The following DLC1 variants were observed in gnomAD, a reference collection of about 807,000 sequenced individuals.
The protein encoded by DLC1 is rho GTPase-activating protein 7.
In DLC1, 54 loss-of-function variants were observed where a neutral mutation model predicts 140.3. The ratio of observed to expected loss-of-function variants is 0.38; its 90% confidence interval spans 0.31 to 0.48. The LOEUF (loss-of-function observed/expected upper bound fraction) is 0.48, where lower values mean the gene tolerates loss of function less well. Among genes scored for constraint, DLC1 ranks in the 20% least tolerant of loss-of-function variants. The pLI, the probability that DLC1 is intolerant of heterozygous loss-of-function variation, is 0.96. For missense variants in DLC1, 2,536 were observed against 1,907.0 expected (o/e 1.33, Z -6.14); for synonymous variants, 986 against 728.1 (o/e 1.35, Z -5.70).
chr8:13,315,202 C>T (rs1482208413), intron 4 of DLC1, among the ~76,000 whole-genome samples: 3 of 152,094 alleles, frequency 2.0e-5, no homozygotes, highest in Non-Finnish European at 4.4e-5. Flanking sequence ...ATCCCTTGAG[C>T]CCAGGCGTTC....
At chr8:13,218,151 C>T (rs1283580661) in intron 5 of DLC1, among the ~76,000 whole-genome samples, 1 of 152,138 alleles carries the variant, frequency 6.6e-6, no homozygotes, top group Non-Finnish European at 1.5e-5. Context: ...AGAACAGTCT[C>T]TTCAACAAAT....
chr8:13,176,359 A>C (rs939109430), intron 5 of DLC1, among the ~76,000 whole-genome samples: 1 of 152,164 alleles, frequency 6.6e-6, no homozygotes, highest in Non-Finnish European at 1.5e-5. Flanking sequence ...TGGGTGGATC[A>C]CAAGGTCAGG....
intron 1 of DLC1, among the ~76,000 whole-genome samples, chr8:13,506,518 C>G (rs927299966): frequency 6.8e-6 from 1 of 147,758 alleles, no homozygotes; most frequent in African/African-American, 2.5e-5. Context: ...TCTCCACCTA[C>G]TGCTTTATAC....
intron 3 of DLC1, among the ~76,000 whole-genome samples, chr8:13,399,266 C>T (rs892915766): frequency 6.6e-6 from 1 of 152,244 alleles, no homozygotes; most frequent in Middle Eastern, 3.4e-3. Context: ...GGAAGTGGTA[C>T]TTATCTCATT....
chr8:13,301,524 C>A (rs17191502), intron 5 of DLC1, among the ~76,000 whole-genome samples: 2 of 152,168 alleles, frequency 1.3e-5, no homozygotes, highest in Non-Finnish European at 2.9e-5. Flanking sequence ...ACATCAACAA[C>A]ATGGCAGATT....
chr8:13,563,855 T>C (rs1335599422), intron 1 of DLC1, among the ~76,000 whole-genome samples: 1 of 152,226 alleles, frequency 6.6e-6, no homozygotes, highest in East Asian at 1.9e-4. Context: ...TTTAAAATTA[T>C]GTTGAAAATA....
chr8:13,171,732 C>T (rs1364798502), intron 5 of DLC1, among the ~76,000 whole-genome samples: 1 of 152,110 alleles, frequency 6.6e-6, no homozygotes, highest in Non-Finnish European at 1.5e-5. Context: ...AGAAAGTGGA[C>T]TTCTATGTAC....
chr8:13,505,879 T>A (rs1008487694), intron 1 of DLC1, among the ~76,000 whole-genome samples: 4 of 152,176 alleles, frequency 2.6e-5, no homozygotes, highest in African/African-American at 9.6e-5. Flanking sequence ...ATACATAAAA[T>A]AACATATAAA....
At chr8:13,237,671 C>A (rs1829350382) in intron 5 of DLC1, among the ~76,000 whole-genome samples, 2 of 152,038 alleles carry the variant, frequency 1.3e-5, no homozygotes, top group African/African-American at 4.8e-5. Flanking sequence ...GTTTCTACAT[C>A]CTCATAGCTT....
chr8:13,435,407 G>T (rs745452525), intron 2 of DLC1, among the ~76,000 whole-genome samples: 9 of 151,414 alleles, frequency 5.9e-5, no homozygotes, highest in Non-Finnish European at 1.0e-4. Flanking sequence ...TCCACCTCCC[G>T]GGTTCAAGCA....
chr8:13,133,483 C>T (rs1198893562), intron 5 of DLC1: 6 of 211,934 alleles, frequency 2.8e-5, no homozygotes, highest in Non-Finnish European at 4.1e-5. Flanking sequence ...TCAGGCCGCC[C>T]TCTAGCCCCG....
At chr8:13,154,108 T>G (rs1454556428) in intron 5 of DLC1, among the ~76,000 whole-genome samples, 1 of 152,206 alleles carries the variant, frequency 6.6e-6, no homozygotes, top group East Asian at 1.9e-4. Flanking sequence ...ATTGGTGTGT[T>G]TACAATCCTT....
intron 4 of DLC1, among the ~76,000 whole-genome samples, chr8:13,321,116 G>A (rs927264592): frequency 7.2e-5 from 11 of 152,092 alleles, no homozygotes; most frequent in African/African-American, 2.4e-4. Context: ...GGACTAAGCC[G>A]ATCCCAATTA....
intron 7 of DLC1, among the ~76,000 whole-genome samples, chr8:13,104,465 G>T (rs1167622601): frequency 6.6e-6 from 1 of 151,968 alleles, no homozygotes; most frequent in Non-Finnish European, 1.5e-5. Context: ...AGCCCTTCAA[G>T]GCCCCAATTT....
chr8:13,205,194 G>C (rs750355341), intron 5 of DLC1, among the ~76,000 whole-genome samples: 27 of 152,274 alleles, frequency 1.8e-4, no homozygotes, highest in African/African-American at 6.5e-4. Flanking sequence ...AATATCATTT[G>C]CACCTGTAAG....
At chr8:13,185,122 C>CTTTTTTTTTTTTTTTT (rs1193667992) in intron 5 of DLC1, among the ~76,000 whole-genome samples, 11 of 84,558 alleles carry the variant, frequency 1.3e-4, no homozygotes, top group South Asian at 4.8e-4. Flanking sequence ...GCAACCCCTG[C>CTTTTTTTTTTTTTTTT]TTTTTTTTTT....
At chr8:13,386,848 A>C (rs924818732) in intron 4 of DLC1, among the ~76,000 whole-genome samples, 3 of 151,948 alleles carry the variant, frequency 2.0e-5, no homozygotes, top group African/African-American at 7.2e-5. Context: ...AAAGCTATAA[A>C]TTTTGCCTAT....
intron 5 of DLC1, among the ~76,000 whole-genome samples, chr8:13,251,083 T>C (rs899205495): frequency 1.3e-5 from 2 of 152,204 alleles, no homozygotes; most frequent in Non-Finnish European, 2.9e-5. Context: ...CCCTGGCTTA[T>C]AGACAGCCAC....
chr8:13,375,097 G>C (rs1209462363), intron 4 of DLC1, among the ~76,000 whole-genome samples: 2 of 143,596 alleles, frequency 1.4e-5, no homozygotes, highest in Admixed American at 1.5e-4. Context: ...GCACAATCTT[G>C]GCTCACTGCA....
Sources: allele counts gnomAD v4.1 joint callset (sites outside exome capture counted in the v4.1 genomes callset), GRCh38; gene constraint gnomAD v4.1.1; transcripts MANE v1.5; gene names NCBI Gene and HGNC (gene_info 2026-07-23, HGNC 2026-07-21).